Variants in GRIP2 observed in about 807,000 individuals in gnomAD.
GRIP2 encodes the protein glutamate receptor-interacting protein 2.
A neutral mutation model predicts 108.3 loss-of-function variants in GRIP2; 58 were observed. The observed-to-expected ratio is 0.54, with a 90% CI of 0.43 to 0.67. GRIP2 has a LOEUF of 0.67. GRIP2 is among the 30% of genes least tolerant of loss of function. GRIP2 has a pLI of 0.00. For synonymous variants in GRIP2, 586 were observed against 598.2 expected (o/e 0.98, Z 0.30); for missense variants, 1,278 against 1,430.6 (o/e 0.89, Z 1.72).
intron 1 of GRIP2, among the ~76,000 whole-genome samples, chr3:14,527,688 G>A (rs1032342120): frequency 1.1e-4 from 16 of 144,798 alleles, no homozygotes; most frequent in Admixed American, 4.4e-4. Context: ...TCAGGAGTTC[G>A]AGACCAATCT....
At chr3:14,503,527 C>G in intron 21 of GRIP2, 39 bp downstream of exon 21, 1 of 1,456,478 alleles carries the variant, frequency 6.9e-7, no homozygotes, top group Non-Finnish European at 9.5e-7. Context: ...TGAACAGCCC[C>G]GGGTGCCCCA....
At chr3:14,574,423 C>A in the GRIP2 span, 3 of 728,434 alleles carry the variant, frequency 4.1e-6, no homozygotes, top group South Asian at 3.1e-5. Flanking sequence ...TGCGAGGCTG[C>A]GGTGTCTTCC....
the GRIP2 span, among the ~76,000 whole-genome samples, chr3:14,570,241 C>T: frequency 9.5e-4 from 144 of 152,360 alleles, no homozygotes; most frequent in African/African-American, 3.4e-3. Context: ...CATCACAGAG[C>T]TATTCCTCTT....
At chr3:14,508,457 G>A (rs1693990335) in intron 17 of GRIP2, among the ~76,000 whole-genome samples, 1 of 152,262 alleles carries the variant, frequency 6.6e-6, no homozygotes, top group African/African-American at 2.4e-5. Context: ...ACCTGAGCCA[G>A]GTGGAGGAAA....
chr3:14,509,161 C>G (rs548655211), intron 17 of GRIP2, among the ~76,000 whole-genome samples: 5 of 152,322 alleles, frequency 3.3e-5, no homozygotes, highest in Non-Finnish European at 7.4e-5. Flanking sequence ...CCCTCCTGCG[C>G]GGTGCCCTCC....
intron 9 of GRIP2, among the ~76,000 whole-genome samples, chr3:14,518,622 C>A (rs1057024793): frequency 6.6e-6 from 1 of 152,212 alleles, no homozygotes; most frequent in Non-Finnish European, 1.5e-5. Flanking sequence ...CTTCCCAGAC[C>A]GCCCCAGGCC....
At chr3:14,559,868 A>G (rs1368051897), upstream of GRIP2, among the ~76,000 whole-genome samples, 1 of 152,196 alleles carries the variant, frequency 6.6e-6, no homozygotes, top group Non-Finnish European at 1.5e-5. Flanking sequence ...CTGCAGGAAA[A>G]GAAATAATGA....
upstream of GRIP2, among the ~76,000 whole-genome samples, chr3:14,541,416 A>G (rs11709154): frequency 0.4 from 60,269 of 152,074 alleles, 12,369 homozygotes; most frequent in Middle Eastern, 0.52. Flanking sequence ...CACGAGCCTC[A>G]TATTTCTTCC....
At chr3:14,515,775 G>A (rs1337790463) in intron 11 of GRIP2, among the ~76,000 whole-genome samples, 1 of 152,004 alleles carries the variant, frequency 6.6e-6, no homozygotes, top group African/African-American at 2.4e-5. Context: ...GATTACAGGC[G>A]TGTGCCACCA....
In GRIP2 at chr3:14,513,811, C is replaced by T; in HGVS notation, c.1494-1G>A. On this transcript the variant is annotated splice_acceptor_variant, in intron 12 of 23. Transcript: ENST00000621039. LOFTEE classifies it high-confidence loss of function. ...GTCCCCCACCTGCAGCAGCCCACACCTGAACCCAGGGGGCCCGGCAGAGAG... is the reference window on the plus strand; with the variant it reads ...GTCCCCCACCTGCAGCAGCCCACACTTGAACCCAGGGGGCCCGGCAGAGAG... The T allele has an allele frequency of 6.2e-7, 1 of 1,612,344 alleles. No individual in the cohort carries two copies. The highest frequency in any genetic ancestry group is 8.5e-7 in the Non-Finnish European group (1 of 1,179,174).
At chr3:14,532,964 C>T (rs971882170) in intron 1 of GRIP2, among the ~76,000 whole-genome samples, 3 of 152,180 alleles carry the variant, frequency 2.0e-5, no homozygotes, top group East Asian at 1.9e-4. Flanking sequence ...TACCGTGCTC[C>T]GCCAGACCAG....
intron 9 of GRIP2, 86 bp downstream of exon 9, chr3:14,520,024 C>T (rs1343327843): frequency 1.3e-5 from 17 of 1,324,478 alleles, no homozygotes; most frequent in Admixed American, 5.3e-5. Context: ...CCTGCTCCTC[C>T]CAGCCTGCCC....
chr3:14,593,810 C>G, the GRIP2 span, among the ~76,000 whole-genome samples: 1 of 152,196 alleles, frequency 6.6e-6, no homozygotes, highest in African/African-American at 2.4e-5. Flanking sequence ...TAAAGGCCAG[C>G]AGCCCTGCTG....
chr3:14,506,662 C>A, intron 19 of GRIP2, 139 bp downstream of exon 19: 1 of 794,970 alleles, frequency 1.3e-6, no homozygotes, highest in Non-Finnish European at 1.9e-6. Flanking sequence ...TCAGGTCTTC[C>A]TTCAGGAAGG....
chr3:14,518,995 CGCTACCTCAGCT>C (rs1694333251), intron 9 of GRIP2, among the ~76,000 whole-genome samples: 1 of 152,232 alleles, frequency 6.6e-6, no homozygotes, highest in African/African-American at 2.4e-5. Context: ...AGCCTTGCAA[CGCTACCTCAGCT>C]TTCCCTGTAA....
the GRIP2 span, among the ~76,000 whole-genome samples, chr3:14,597,677 G>C: frequency 6.6e-6 from 1 of 152,200 alleles, no homozygotes; most frequent in Admixed American, 6.5e-5. Flanking sequence ...AGCCAAATTA[G>C]AGTGTAGATT....
Position 14,524,469 on chromosome 3 carries a change from G to A in GRIP2, c.327C>T (p.His109=), listed in dbSNP as rs540163984. The A allele has an allele frequency of 5.7e-6, 9 of 1,588,484 alleles. No individual in the cohort carries two copies. Among genetic ancestry groups the A allele is most frequent in the South Asian group, 4.6e-5 (4 of 86,812 alleles). ...VNGIHLTRLR[H]DEIITLLKNV... is the part of the protein sequence containing the mutation. Reference sequence around the variant, plus strand: ...TCTTGAGCAGGGTGATGATCTCATCGTGGCGGAGCCTGGTCAGGTGGATCC... The same window carrying A: ...TCTTGAGCAGGGTGATGATCTCATCATGGCGGAGCCTGGTCAGGTGGATCC... The change falls in exon 4 of 24, where the codon CAC becomes CAT. Residue 109 remains histidine (H), a synonymous_variant. Coordinates refer to ENST00000621039, the MANE Select transcript of GRIP2 (RefSeq NM_001080423.4).
chr3:14,506,995 G>T lies in GRIP2; in HGVS notation c.2219-15C>A, dbSNP rs760927120. ...TAGGAGGGGACCTGGGAGGAGAGAG[G>T]GGTGTCAATTCTGACTTCAGAGACA... On this transcript the variant is annotated splice_polypyrimidine_tract_variant and intron_variant, in intron 18 of 23. Coordinates refer to ENST00000621039, the MANE Select transcript of GRIP2 (RefSeq NM_001080423.4). 2 of 1,580,690 alleles carry T rather than the reference G, an allele frequency of 1.3e-6. No homozygotes were observed. The highest frequency in any genetic ancestry group is 1.7e-6 in the Non-Finnish European group (2 of 1,162,382).
intron 1 of GRIP2, among the ~76,000 whole-genome samples, chr3:14,539,349 GCT>G (rs1182067034): frequency 1.3e-5 from 2 of 152,166 alleles, no homozygotes; most frequent in Non-Finnish European, 2.9e-5. Flanking sequence ...AGGTGACCTG[GCT>G]CTGCTCCTTG....
Sources: gnomAD v4.1 joint callset for allele counts (sites outside exome capture counted in the v4.1 genomes callset) on GRCh38, gnomAD v4.1.1 for gene constraint, MANE v1.5 for transcripts, NCBI Gene and HGNC (gene_info 2026-07-23, HGNC 2026-07-21) for gene names.